COL27A1: variants seen among roughly 807,000 people sequenced by gnomAD.
COL27A1 encodes collagen alpha-1(XXVII) chain.
Under a neutral mutation model 251.3 loss-of-function variants are expected in COL27A1, and 106 were observed. The ratio of observed to expected loss-of-function variants is 0.42; its 90% CI spans 0.36 to 0.50. The LOEUF is 0.50. COL27A1 is among the 20% of genes least tolerant of loss of function. The pLI is 0.00. For missense variants in COL27A1, 2,325 were observed against 2,522.8 expected, an observed-to-expected ratio of 0.92 and a Z score of 1.68; for synonymous variants, 1,000 against 986.3, an observed-to-expected ratio of 1.01 and a Z score of -0.26.
chr9:114,281,483 C>T (rs117471435), intron 37 of COL27A1, among the ~76,000 whole-genome samples: 2,475 of 152,328 alleles, frequency 0.016, 37 homozygotes, highest in Non-Finnish European at 0.02. Context: ...AGTGGCCTGT[C>T]AGAGGGAATG....
intron 1 of COL27A1, among the ~76,000 whole-genome samples, chr9:114,159,796 C>T (rs1848367660): frequency 6.6e-6 from 1 of 152,176 alleles, no homozygotes; most frequent in African/African-American, 2.4e-5. Context: ...CAGACGTTGC[C>T]CAGGATGGAA....
At chr9:114,274,621 T>C (rs1305936125) in intron 36 of COL27A1, among the ~76,000 whole-genome samples, 1 of 152,188 alleles carries the variant, frequency 6.6e-6, no homozygotes, top group African/African-American at 2.4e-5. Flanking sequence ...ATGATCGCCA[T>C]GCAGAGCCCA....
intron 27 of COL27A1, among the ~76,000 whole-genome samples, chr9:114,253,950 A>T (rs1347255214): frequency 1.3e-5 from 2 of 152,100 alleles, no homozygotes; most frequent in African/African-American, 4.8e-5. Flanking sequence ...GGTTCAAGAG[A>T]TTCTCGTGCC....
At position 114,169,847 on chromosome 9, in the gene COL27A1, C is replaced by G. The variant is rs572575929; in HGVS notation, c.1908+384C>G. ...AGTGAGTAAGCAGCTTCCAAAGCCC[C>G]GTTCTCCCAGCTCATGGAGCAGGGG... On this transcript the variant is annotated intron_variant, in intron 3 of 60. Transcript: ENST00000356083. 6.6e-5 allele frequency among the ~76,000 whole-genome samples: 10 copies of G among 152,348 alleles called. No individual in the cohort carries two copies. The South Asian group carries it at 1.7e-3, about 25-fold the overall frequency.
At chr9:114,240,198 C>A in intron 19 of COL27A1, 22 bp from the exon 20 acceptor site, 1 of 1,611,350 alleles carries the variant, frequency 6.2e-7, no homozygotes, top group Non-Finnish European at 8.5e-7. Context: ...CGTGGGTGAC[C>A]CTGCTCTCTG....
intron 7 of COL27A1, among the ~76,000 whole-genome samples, chr9:114,202,537 G>T (rs947341758): frequency 8.5e-5 from 13 of 152,146 alleles, no homozygotes; most frequent in African/African-American, 3.1e-4. Context: ...ACGGCTGTTA[G>T]TTACATCATG....
At chr9:114,284,560 G>T (rs1237126260) in intron 40 of COL27A1, among the ~76,000 whole-genome samples, 164 bp from the exon 41 acceptor site, 3 of 152,218 alleles carry the variant, frequency 2.0e-5, no homozygotes, top group Admixed American at 2.0e-4. Flanking sequence ...CGGCACATCT[G>T]GAAGGCCAGG....
rs370978325 is a variant in COL27A1 at position 114,168,003 on chromosome 9, G to A, written c.448G>A (p.Asp150Asn). 13 of 1,604,356 alleles carry A rather than the reference G, an allele frequency of 8.1e-6. No homozygotes were observed. Among genetic ancestry groups the A allele is most frequent in the African/African-American group, 2.7e-5 (2 of 74,926 alleles). ...GSRRSVAFDL[D>N]MHDGRWHHLA... ...CCGGCGCTCAGTGGCCTTCGACCTC[G>A]ACATGCACGACGGGCGCTGGCACCA... The change falls in exon 3 of 61, where the codon GAC becomes AAC. Residue 150 changes from aspartate (D) to asparagine (N), a missense_variant. Asp to Asn is a conservative substitution (Grantham distance 23). This residue lies in a region of COL27A1 where 1,183 missense variants were observed against 1,144.1 expected (regional missense o/e 1.03). Transcript: ENST00000356083.
Position 114,292,014 on chromosome 9 carries a change from T to G in COL27A1, c.4477-89T>G, listed in dbSNP as rs1208950998. On this transcript the variant is annotated intron_variant, in intron 48 of 60. Coordinates refer to ENST00000356083, the MANE Select transcript of COL27A1 (RefSeq NM_032888.4). ...AATCTCGGGTACCCTGTGGAATCAC[T>G]GTTCTGGCTCTCCCAGGCCCCCTCC... 6 of 1,136,796 alleles carry G rather than the reference T, an allele frequency of 5.3e-6. No homozygotes were observed. The East Asian group carries it at 1.3e-4, about 24-fold the overall frequency. 70.4% of individuals were successfully genotyped at this position (1,136,796 alleles called of 1,614,324 possible). A position where few individuals can be genotyped will look rare whatever the true frequency, so the allele number is the denominator to read the frequency against.
chr9:114,170,517 C>T (rs1849236836), intron 3 of COL27A1, among the ~76,000 whole-genome samples: 1 of 152,142 alleles, frequency 6.6e-6, no homozygotes, highest in Non-Finnish European at 1.5e-5. Context: ...GTTAGGGCTC[C>T]CTACAATGTG....
intron 4 of COL27A1, 51 bp downstream of exon 4, chr9:114,178,395 C>T (rs746256798): frequency 2.7e-5 from 41 of 1,514,464 alleles, no homozygotes; most frequent in Admixed American, 5.0e-5. Context: ...CTTTGGCCTG[C>T]GTCTCACTGC....
rs761759122 is a variant in COL27A1 at position 114,282,437 on chromosome 9, T to A, written c.3772-20T>A. 8 of 1,608,820 alleles carry A rather than the reference T, an allele frequency of 5.0e-6. No individual in the cohort carries two copies. Among genetic ancestry groups the A allele is most frequent in the Non-Finnish European group, 6.8e-6 (8 of 1,176,926 alleles). ...CGTCCTGTTGGGCCTGGTGACAGCT[T>A]GTCTTTCCTCCTGTTGCAGGGTGCC... On this transcript the variant is annotated intron_variant, in intron 38 of 60. Transcript: ENST00000356083.
intron 42 of COL27A1, 82 bp downstream of exon 42, chr9:114,288,593 T>A: frequency 6.5e-7 from 1 of 1,546,542 alleles, no homozygotes; most frequent in East Asian, 2.3e-5. Flanking sequence ...GGTGGGCCGA[T>A]CAGGGGCCAG....
At chr9:114,206,383 C>T in intron 10 of COL27A1, 87 bp downstream of exon 10, 2 of 1,389,730 alleles carry the variant, frequency 1.4e-6, no homozygotes, top group Non-Finnish European at 2.0e-6. Context: ...GAGGTCAGAG[C>T]TATAAGGAGA....
intron 2 of COL27A1, among the ~76,000 whole-genome samples, chr9:114,167,326 C>T (rs903245784): frequency 2.6e-5 from 4 of 152,200 alleles, no homozygotes; most frequent in Admixed American, 1.3e-4. Flanking sequence ...TTGTTACATC[C>T]TTCTGAGGTT....
At chr9:114,264,494 T>C (rs983449727) in intron 29 of COL27A1, 86 bp downstream of exon 29, 6 of 1,115,334 alleles carry the variant, frequency 5.4e-6, no homozygotes, top group Non-Finnish European at 7.5e-6. Flanking sequence ...CTCAGAACAA[T>C]GCCCCTTAGG....
At chr9:114,269,765 C>G (rs1385178026) in intron 35 of COL27A1, among the ~76,000 whole-genome samples, 1 of 152,098 alleles carries the variant, frequency 6.6e-6, no homozygotes, top group African/African-American at 2.4e-5. Flanking sequence ...GTAACGGAGG[C>G]CTGTCTCTGG....
rs1306335048 is a variant in COL27A1, at chr9:114,258,548, C to G, written c.3149C>G (p.Pro1050Arg). The G allele has an allele frequency of 1.2e-6, 2 of 1,614,024 alleles. No individual in the cohort carries two copies. The highest frequency in any genetic ancestry group is 2.7e-5 in the African/African-American group (2 of 75,062). ...TCTTTCTCCTCTTCCCAGGGTCCTC[C>G]AGGATCTCGAGGCCCACCAGGCATG... Reference protein sequence around the residue: ...TPGEPGPQGPPGSRGPPGMRG... With the variant: ...TPGEPGPQGPRGSRGPPGMRG... The change falls in exon 28 of 61, where the codon CCA becomes CGA. Residue 1050 changes from proline (P) to arginine (R), a missense_variant. Physicochemically the swap from Pro to Arg is moderately radical, Grantham distance 103. This residue lies in a region of COL27A1 where 662 missense variants were observed against 795.3 expected (regional missense o/e 0.83). Coordinates refer to ENST00000356083, the MANE Select transcript of COL27A1 (RefSeq NM_032888.4).
intron 50 of COL27A1, chr9:114,300,349 A>G: frequency 1.7e-6 from 1 of 597,140 alleles, no homozygotes; most frequent in Non-Finnish European, 3.0e-6. Flanking sequence ...AGTCTCTCTA[A>G]GCCTTGGTTT....
Sources: gnomAD v4.1 joint callset for allele counts (sites outside exome capture counted in the v4.1 genomes callset) on GRCh38, gnomAD v4.1.1 for gene constraint, gnomAD v4.1.1 regional missense constraint, MANE v1.5 for transcripts, NCBI Gene and HGNC (gene_info 2026-07-23, HGNC 2026-07-21) for gene names.